The following ZSWIM6 variants were observed in gnomAD, a reference collection of about 807,000 sequenced individuals.
ZSWIM6 encodes zinc finger SWIM domain-containing protein 6.
ZSWIM6 carries 9 observed loss-of-function variants against 113.2 expected under a neutral mutation model. The ratio of observed to expected loss-of-function variants is 0.08; its 90% CI spans 0.05 to 0.14. ZSWIM6 has a LOEUF of 0.14. Ranked by LOEUF, ZSWIM6 falls within the 10% of genes least tolerant of loss-of-function variation. The pLI is 1.00. For synonymous variants in ZSWIM6, 611 were observed against 606.5 expected (o/e 1.01, Z -0.11); for missense variants, 1,162 against 1,552.2 (o/e 0.75, Z 4.22).
Position 61,500,100 on chromosome 5 carries a change from TTTATTA to T in ZSWIM6, c.1333+5713_1333+5718del, listed in dbSNP as rs61415779. Among the ~76,000 whole-genome samples, 1,174 of 145,312 alleles carry T rather than the reference TTTATTA, an allele frequency of 8.1e-3. 20 individuals carry two copies. The highest frequency in any genetic ancestry group is 0.028 in the African/African-American group (1,101 of 39,490). ...CACCAGTCTAGACAATGTCCTCAGC[TTTATTA>T]TTATTATTATTATTATTATTATCAT... On this transcript the variant is annotated intron_variant, in intron 4 of 13. Transcript: ENST00000252744.
intron 1 of ZSWIM6, among the ~76,000 whole-genome samples, chr5:61,405,649 G>A (rs1746028533): frequency 6.6e-6 from 1 of 152,208 alleles, no homozygotes; most frequent in African/African-American, 2.4e-5. Flanking sequence ...TTGAAAAACA[G>A]TAGGCTTTGC....
intron 8 of ZSWIM6, 147 bp from the exon 9 acceptor site, chr5:61,531,318 A>G: frequency 1.1e-6 from 1 of 887,010 alleles, no homozygotes; most frequent in East Asian, 2.7e-5. Flanking sequence ...GGAAGACTGC[A>G]CTTTAGCCTA....
chr5:61,469,158 G>A (rs908082634), intron 1 of ZSWIM6, among the ~76,000 whole-genome samples: 5 of 152,176 alleles, frequency 3.3e-5, no homozygotes, highest in Non-Finnish European at 5.9e-5. Flanking sequence ...GGTAGCTGAT[G>A]GTGAAGAAAG....
chr5:61,388,430 C>CA (rs747231639), intron 1 of ZSWIM6, among the ~76,000 whole-genome samples: 1 of 152,130 alleles, frequency 6.6e-6, no homozygotes, highest in Non-Finnish European at 1.5e-5. Flanking sequence ...AAAAACAAAA[C>CA]AAAAAACCTA....
chr5:61,442,811 TAGG>T (rs1561239272), intron 1 of ZSWIM6, among the ~76,000 whole-genome samples: 1 of 152,190 alleles, frequency 6.6e-6, no homozygotes, highest in East Asian at 1.9e-4. Context: ...CTGGAGAAAT[TAGG>T]CAGAGGGAGA....
chr5:61,462,098 G>A (rs1390791794), intron 1 of ZSWIM6, among the ~76,000 whole-genome samples: 1 of 152,172 alleles, frequency 6.6e-6, no homozygotes, highest in African/African-American at 2.4e-5. Flanking sequence ...GAGATTCTTT[G>A]AGGAGAGCTG....
chr5:61,445,914 AAATCCACC>A (rs1287342417), intron 1 of ZSWIM6, among the ~76,000 whole-genome samples: 1 of 152,246 alleles, frequency 6.6e-6, no homozygotes, highest in Non-Finnish European at 1.5e-5. Flanking sequence ...TAATGTATTT[AAATCCACC>A]AGTAACACTA....
intron 1 of ZSWIM6, among the ~76,000 whole-genome samples, chr5:61,426,110 C>G (rs1055559238): frequency 2.6e-5 from 4 of 152,178 alleles, no homozygotes; most frequent in African/African-American, 9.7e-5. Flanking sequence ...TTAAATCCTT[C>G]TCTGACATCA....
chr5:61,478,092 A>G (rs1747752290), intron 2 of ZSWIM6, among the ~76,000 whole-genome samples: 1 of 152,158 alleles, frequency 6.6e-6, no homozygotes, highest in African/African-American at 2.4e-5. Context: ...TAATTTGATT[A>G]TTACTATCAT....
At chr5:61,522,218 A>T (rs1749151907) in intron 5 of ZSWIM6, among the ~76,000 whole-genome samples, 2 of 151,970 alleles carry the variant, frequency 1.3e-5, no homozygotes, top group South Asian at 4.1e-4. Context: ...TACCTGCTGC[A>T]GAATGTTCTC....
intron 1 of ZSWIM6, among the ~76,000 whole-genome samples, chr5:61,417,656 C>T (rs964599362): frequency 2.0e-5 from 3 of 152,170 alleles, no homozygotes; most frequent in Admixed American, 6.5e-5. Context: ...TGTAGCTAAT[C>T]GGATCCTTAC....
At position 61,332,745 on chromosome 5, in the gene ZSWIM6, CCCCGGCCGCA is replaced by C; in HGVS notation, c.474_483del (p.Ala160ArgfsTer57). On this transcript the variant is annotated frameshift_variant, in exon 1 of 14. Coordinates refer to ENST00000252744, the MANE Select transcript of ZSWIM6 (RefSeq NM_020928.2). LOFTEE classifies it high-confidence loss of function. ...GGCGGCGGCGGCGGCTCCTCGTCTT[CCCCGGCCGCA>C]ACCTCGGCGGCCGCAACCTCGGCCG... The C allele has an allele frequency of 1.1e-6, 1 of 893,162 alleles. No individual in the cohort carries two copies. The highest frequency in any genetic ancestry group is 1.3e-6 in the Non-Finnish European group (1 of 762,766). The allele number at this position is 893,162 out of a possible 1,614,324, so 55.3% of individuals were successfully genotyped here. A position where few individuals can be genotyped will look rare whatever the true frequency, so the allele number is the denominator to read the frequency against.
At chr5:61,333,583 C>T (rs939123094) in intron 1 of ZSWIM6, among the ~76,000 whole-genome samples, 3 of 151,288 alleles carry the variant, frequency 2.0e-5, no homozygotes, top group Non-Finnish European at 4.4e-5. Context: ...GCGAGCTCCA[C>T]TGGCCGCCCG....
chr5:61,492,657 C>T (rs541462157), intron 3 of ZSWIM6, among the ~76,000 whole-genome samples: 95 of 152,170 alleles, frequency 6.2e-4, no homozygotes, highest in African/African-American at 2.1e-3. Context: ...GTTTTTAGTA[C>T]TTTGATATTG....
At position 61,539,629 on chromosome 5, in the gene ZSWIM6, C is replaced by A. The variant is rs1438342709; in HGVS notation, c.2573C>A (p.Ser858Tyr). The change falls in exon 12 of 14, where the codon TCC becomes TAC. Residue 858 changes from serine (S) to tyrosine (Y), a missense_variant. Physicochemically the swap from Ser to Tyr is moderately radical, Grantham distance 144. This residue lies in a region of ZSWIM6 where 620 missense variants were observed against 804.6 expected (regional missense o/e 0.77). Transcript: ENST00000252744. ...DVRRLETVLE[S>Y]IQKNIHSSSH... ...CGGAGGCTGGAAACAGTATTAGAAT[C>A]CATCCAGAAAAACATTCACTCCTCA... 6.4e-7 allele frequency: 1 copy of A among 1,551,782 alleles called. No homozygotes were observed. Among genetic ancestry groups the A allele is most frequent in the Non-Finnish European group, 8.7e-7 (1 of 1,146,964 alleles).
intron 1 of ZSWIM6, among the ~76,000 whole-genome samples, chr5:61,362,545 C>T (rs919474230): frequency 3.3e-5 from 5 of 152,160 alleles, no homozygotes; most frequent in African/African-American, 1.2e-4. Context: ...GAAGCTTGCA[C>T]AGGGAGCCTC....
chr5:61,508,695 A>G (rs1000675191), intron 4 of ZSWIM6, among the ~76,000 whole-genome samples: 1 of 152,182 alleles, frequency 6.6e-6, no homozygotes, highest in African/African-American at 2.4e-5. Flanking sequence ...GATCAACAGA[A>G]TATATCAAAG....
chr5:61,534,559 C>T (rs1749524710), intron 9 of ZSWIM6, among the ~76,000 whole-genome samples: 1 of 152,082 alleles, frequency 6.6e-6, no homozygotes, highest in African/African-American at 2.4e-5. Flanking sequence ...AATCATGAAA[C>T]AGATGTTACC....
chr5:61,416,477 C>T (rs1453051969), intron 1 of ZSWIM6, among the ~76,000 whole-genome samples: 1 of 152,240 alleles, frequency 6.6e-6, no homozygotes, highest in East Asian at 1.9e-4. Flanking sequence ...TTATACACCT[C>T]TGATCTCCTC....
Sources: gnomAD v4.1 joint callset for allele counts (sites outside exome capture counted in the v4.1 genomes callset) on GRCh38, gnomAD v4.1.1 for gene constraint, gnomAD v4.1.1 regional missense constraint, MANE v1.5 for transcripts, NCBI Gene and HGNC (gene_info 2026-07-23, HGNC 2026-07-21) for gene names.